CAMK2A: variants seen among roughly 807,000 people sequenced by gnomAD.
CAMK2A encodes the protein calcium/calmodulin-dependent protein kinase type II subunit alpha.
A neutral mutation model predicts 79.2 loss-of-function variants in CAMK2A; 7 were observed. That is an observed-to-expected ratio of 0.09 (90% CI 0.05 to 0.17). The LOEUF (loss-of-function observed/expected upper bound fraction) is 0.17. Ranked by LOEUF, CAMK2A falls within the 10% of genes least tolerant of loss-of-function variation. The pLI, the probability that CAMK2A is intolerant of heterozygous loss-of-function variation, is 1.00. For synonymous variants in CAMK2A, 242 were observed against 251.7 expected (o/e 0.96, Z 0.36); for missense variants, 214 against 646.4 (o/e 0.33, Z 7.25).
At chr5:150,248,205 T>C (rs1287153057) in intron 11 of CAMK2A, among the ~76,000 whole-genome samples, 2 of 151,914 alleles carry the variant, frequency 1.3e-5, no homozygotes, top group Admixed American at 1.3e-4. Context: ...CTCCACCTCT[T>C]AGCCCTCTGC....
intron 1 of CAMK2A, among the ~76,000 whole-genome samples, chr5:150,279,351 T>A (rs1164028978): frequency 6.6e-6 from 1 of 152,176 alleles, no homozygotes; most frequent in Non-Finnish European, 1.5e-5. Flanking sequence ...GAGTTCACAT[T>A]GTGGGTCAGC....
chr5:150,265,126 G>T, intron 2 of CAMK2A, 111 bp from the exon 3 acceptor site: 1 of 795,040 alleles, frequency 1.3e-6, no homozygotes, highest in Non-Finnish European at 2.2e-6. Flanking sequence ...GCCCCTGGGG[G>T]CTGGGAAAGC....
At chr5:150,253,609 C>A (rs1755928557) in intron 6 of CAMK2A, 63 bp from the exon 7 acceptor site, 1 of 1,381,026 alleles carries the variant, frequency 7.2e-7, no homozygotes, top group African/African-American at 1.4e-5. Context: ...TCAGCAGATT[C>A]AGAGCCTCAC....
intron 1 of CAMK2A, among the ~76,000 whole-genome samples, chr5:150,282,489 C>T (rs1757255885): frequency 6.6e-6 from 1 of 152,236 alleles, no homozygotes; most frequent in Non-Finnish European, 1.5e-5. Flanking sequence ...GATGGCCTGT[C>T]CCTGTCCAGA....
At chr5:150,228,329 C>T (rs1176911482) in intron 16 of CAMK2A, 43 bp from the exon 17 acceptor site, 3 of 1,395,966 alleles carry the variant, frequency 2.1e-6, no homozygotes, top group Non-Finnish European at 3.0e-6. Flanking sequence ...GGGGCGGCTT[C>T]TCATTGGACC....
rs752941395 is a variant in CAMK2A, at chr5:150,231,288, G to A, written c.1142+17C>T. On this transcript the variant is annotated intron_variant, in intron 16 of 18. Transcript: ENST00000671881. The stretch of plus-strand genomic sequence containing the variant: ...ACAATCCAGGCAGGACATGCAGAAT[G>A]AGCCCAGCTGACTCACGTGTAGGAC... 1.3e-6 allele frequency: 2 copies of A among 1,517,086 alleles called. No individual in the cohort carries two copies. Among genetic ancestry groups the A allele is most frequent in the Non-Finnish European group, 1.8e-6 (2 of 1,112,456 alleles). 94.0% of individuals were successfully genotyped at this position (1,517,086 alleles called of 1,614,324 possible).
At chr5:150,225,597 G>C (rs1285660123) in intron 17 of CAMK2A, among the ~76,000 whole-genome samples, 1 of 152,188 alleles carries the variant, frequency 6.6e-6, no homozygotes, top group African/African-American at 2.4e-5. Flanking sequence ...CTGCTTTGTG[G>C]GGATTGTAAG....
At chr5:150,242,353 A>T (rs1755384801) in intron 13 of CAMK2A, among the ~76,000 whole-genome samples, 1 of 152,284 alleles carries the variant, frequency 6.6e-6, no homozygotes, top group East Asian at 1.9e-4. Flanking sequence ...GTTAGCAAGG[A>T]TGATAGAAAC....
intron 15 of CAMK2A, among the ~76,000 whole-genome samples, chr5:150,233,087 G>A (rs1580901497): frequency 6.6e-6 from 1 of 152,308 alleles, no homozygotes; most frequent in Non-Finnish European, 1.5e-5. Flanking sequence ...GGGCTGGGCT[G>A]TGACATCCCT....
intron 2 of CAMK2A, among the ~76,000 whole-genome samples, chr5:150,265,743 A>G (rs757443160): frequency 2.5e-4 from 38 of 152,196 alleles, no homozygotes; most frequent in Middle Eastern, 3.4e-3. Context: ...GGAGTTCGAG[A>G]CCAGCCTGGA....
chr5:150,245,042 C>T lies in CAMK2A; in HGVS notation c.984+119G>A, dbSNP rs75623172. 1.3e-3 allele frequency: 1,285 copies of T among 969,462 alleles called. 12 individuals are homozygous for T. The African/African-American group carries it at 0.019, about 14-fold the overall frequency. 60.1% of individuals were successfully genotyped at this position (969,462 alleles called of 1,614,324 possible). ...GAGACAGCCTGGCCACAAATGTGGC[C>T]CACGTCTGCCCAGGACACCATCAGC... On this transcript the variant is annotated intron_variant, in intron 13 of 18. Transcript: ENST00000671881.
At chr5:150,288,131 A>C (rs577463066) in intron 1 of CAMK2A, among the ~76,000 whole-genome samples, 14 of 152,206 alleles carry the variant, frequency 9.2e-5, no homozygotes, top group South Asian at 4.1e-4. Context: ...ACACACACGT[A>C]CATCATCCTG....
At chr5:150,281,861 T>C (rs1311441886) in intron 1 of CAMK2A, among the ~76,000 whole-genome samples, 2 of 152,210 alleles carry the variant, frequency 1.3e-5, no homozygotes, top group Admixed American at 6.5e-5. Flanking sequence ...TGAAATCAAC[T>C]GTTGATAAGT....
At chr5:150,272,414 G>C (rs967071267) in intron 2 of CAMK2A, among the ~76,000 whole-genome samples, 1 of 151,830 alleles carries the variant, frequency 6.6e-6, no homozygotes, top group African/African-American at 2.4e-5. Context: ...AAAATACAAA[G>C]AGAAAAAATT....
chr5:150,289,174 C>G (rs947167032), intron 1 of CAMK2A, among the ~76,000 whole-genome samples: 2 of 152,196 alleles, frequency 1.3e-5, no homozygotes, highest in Admixed American at 1.3e-4. Flanking sequence ...ATGGCCACCT[C>G]AAGCAAAACT....
intron 2 of CAMK2A, among the ~76,000 whole-genome samples, chr5:150,270,391 A>G (rs1037642011): frequency 6.6e-6 from 1 of 152,208 alleles, no homozygotes; most frequent in Non-Finnish European, 1.5e-5. Flanking sequence ...CATTTTTTAA[A>G]AGACTAGATT....
chr5:150,231,440 T>C (rs1268180012), intron 15 of CAMK2A, 60 bp from the exon 16 acceptor site: 2 of 706,416 alleles, frequency 2.8e-6, no homozygotes, highest in East Asian at 7.1e-5. Context: ...ATAATAATAA[T>C]AATAGTGATG....
intron 14 of CAMK2A, 98 bp from the exon 15 acceptor site, chr5:150,238,846 G>C: frequency 1.0e-6 from 1 of 1,003,258 alleles, no homozygotes; most frequent in Non-Finnish European, 1.4e-6. Flanking sequence ...GTTTCTGTGA[G>C]CCTCACAGGC....
chr5:150,227,680 G>A (rs1228698337), intron 17 of CAMK2A, among the ~76,000 whole-genome samples: 1 of 152,180 alleles, frequency 6.6e-6, no homozygotes, highest in East Asian at 1.9e-4. Flanking sequence ...GCAGGACAGA[G>A]ACCTAGACAA....
Sources: gnomAD v4.1 joint callset for allele counts (sites outside exome capture counted in the v4.1 genomes callset) on GRCh38, gnomAD v4.1.1 for gene constraint, MANE v1.5 for transcripts, NCBI Gene and HGNC (gene_info 2026-07-23, HGNC 2026-07-21) for gene names.